ITGB8: variants seen among roughly 807,000 people sequenced by gnomAD.
ITGB8 encodes the protein integrin beta-8.
In ITGB8, 30 loss-of-function variants were observed where a neutral mutation model predicts 89.5. The observed-to-expected ratio is 0.34, with a 90% CI of 0.25 to 0.45. The LOEUF (loss-of-function observed/expected upper bound fraction) is 0.45, where lower values mean the gene tolerates loss of function less well. Among genes scored for constraint, ITGB8 ranks in the 20% least tolerant of loss-of-function variants. The pLI, the probability that ITGB8 is intolerant of heterozygous loss-of-function variation, is 1.00. For synonymous variants in ITGB8, 335 were observed against 320.4 expected (o/e 1.05, Z -0.49); for missense variants, 836 against 933.3 (o/e 0.90, Z 1.36).
intron 9 of ITGB8, 167 bp downstream of exon 9, chr7:20,399,161 T>C: frequency 1.5e-6 from 1 of 648,582 alleles, no homozygotes; most frequent in East Asian, 2.9e-5. Context: ...TCCTACTTGT[T>C]TTAGCTCAGC....
chr7:20,372,643 A>G (rs1488737027), intron 3 of ITGB8, among the ~76,000 whole-genome samples: 1 of 152,168 alleles, frequency 6.6e-6, no homozygotes, highest in East Asian at 1.9e-4. Flanking sequence ...GCAGTGGGGA[A>G]GAGATCATGG....
At chr7:20,379,340 T>G in intron 4 of ITGB8, 43 bp downstream of exon 4, 1 of 1,337,596 alleles carries the variant, frequency 7.5e-7, no homozygotes, top group Non-Finnish European at 9.9e-7. Context: ...AATTTTTTGC[T>G]TATAAAATCT....
intron 3 of ITGB8, among the ~76,000 whole-genome samples, chr7:20,377,014 G>T (rs1481603577): frequency 1.3e-5 from 2 of 152,122 alleles, no homozygotes; most frequent in Non-Finnish European, 2.9e-5. Context: ...ACCGGAATTT[G>T]CTTGCTAGGC....
chr7:20,397,795 T>C (rs1460590905), intron 8 of ITGB8, among the ~76,000 whole-genome samples: 1 of 152,224 alleles, frequency 6.6e-6, no homozygotes, highest in Non-Finnish European at 1.5e-5. Flanking sequence ...CAGAATTCCA[T>C]GATCAATTAT....
At chr7:20,384,708 G>C (rs1476063359) in intron 6 of ITGB8, among the ~76,000 whole-genome samples, 1 of 152,154 alleles carries the variant, frequency 6.6e-6, no homozygotes, top group Non-Finnish European at 1.5e-5. Flanking sequence ...CTGAAATGCA[G>C]AAGAAAAAGA....
chr7:20,380,379 A>T (rs1315933407), intron 4 of ITGB8: 1 of 290,138 alleles, frequency 3.4e-6, no homozygotes, highest in Non-Finnish European at 6.4e-6. Flanking sequence ...TTCACAGCGC[A>T]GATTAAATAT....
intron 1 of ITGB8, 132 bp downstream of exon 1, chr7:20,332,065 G>T: frequency 6.9e-7 from 1 of 1,458,404 alleles, no homozygotes; most frequent in Non-Finnish European, 9.0e-7. Context: ...GGCGGGTGCG[G>T]GGCAGCGTCC....
intron 1 of ITGB8, among the ~76,000 whole-genome samples, chr7:20,335,999 T>C (rs1784559901): frequency 9.9e-6 from 1 of 101,098 alleles, no homozygotes; most frequent in Non-Finnish European, 1.9e-5. Context: ...GTCTTGGTTT[T>C]CTTTTTTTTT....
chr7:20,350,548 C>T (rs1018732430), intron 1 of ITGB8, among the ~76,000 whole-genome samples: 8 of 152,212 alleles, frequency 5.3e-5, no homozygotes, highest in Non-Finnish European at 1.2e-4. Context: ...AAATGTTCTC[C>T]ACCAATCATG....
chr7:20,359,798 A>G (rs939974672), intron 1 of ITGB8, among the ~76,000 whole-genome samples: 3 of 152,108 alleles, frequency 2.0e-5, no homozygotes, highest in Admixed American at 6.6e-5. Context: ...TATATTTGGT[A>G]TTTTACTTAC....
chr7:20,404,020 C>T (rs1304793981), intron 10 of ITGB8, among the ~76,000 whole-genome samples: 2 of 152,066 alleles, frequency 1.3e-5, no homozygotes, highest in Admixed American at 6.6e-5. Flanking sequence ...TTTCATTTAC[C>T]ATCTAAGAAC....
At position 20,380,703 on chromosome 7, in the gene ITGB8, A is replaced by G; in HGVS notation, c.673A>G (p.Ile225Val). The stretch of plus-strand genomic sequence containing the variant: ...AGACTGCATGCCTCCCCATGGATAC[A>G]TCCATGTGCTGTCTTTGACAGAGAA... ...NLDCMPPHGY[I>V]HVLSLTENIT... The change falls in exon 5 of 14, where the codon ATC becomes GTC. Residue 225 changes from isoleucine (I) to valine (V), a missense_variant. By Grantham distance (29) the Ile-to-Val change is conservative. This residue lies in a region of ITGB8 where 192 missense variants were observed against 267.1 expected (regional missense o/e 0.72). Transcript: ENST00000222573. 6.2e-7 allele frequency: 1 copy of G among 1,613,606 alleles called. No individual in the cohort carries two copies. Among genetic ancestry groups the G allele is most frequent in the South Asian group, 1.1e-5 (1 of 91,034 alleles).
Position 20,396,364 on chromosome 7 carries a change from C to T in ITGB8, c.1146+1379C>T, listed in dbSNP as rs1282135422. Among the ~76,000 whole-genome samples the T allele has an allele frequency of 4.0e-5, 6 of 150,974 alleles. No homozygotes were observed. The South Asian group carries it at 8.4e-4, about 21-fold the overall frequency. ...AGGAGAATGGCTTGAACCCAGGAGG[C>T]GGAGCTTGCAATGAGCCGAGATTGC... On this transcript the variant is annotated intron_variant, in intron 8 of 13. Coordinates refer to ENST00000222573, the MANE Select transcript of ITGB8 (RefSeq NM_002214.3).
intron 2 of ITGB8, 42 bp downstream of exon 2, chr7:20,363,764 G>C (rs967595866): frequency 8.3e-7 from 1 of 1,201,564 alleles, no homozygotes; most frequent in Non-Finnish European, 1.2e-6. Context: ...GTTGACTTGA[G>C]CTATAGCATG....
intron 1 of ITGB8, among the ~76,000 whole-genome samples, chr7:20,343,950 C>G (rs893149552): frequency 7.9e-5 from 12 of 152,140 alleles, no homozygotes; most frequent in Non-Finnish European, 1.3e-4. Flanking sequence ...TTGAAAAAGG[C>G]CTTGCAGTTA....
At chr7:20,338,020 A>G (rs1784632669) in intron 1 of ITGB8, among the ~76,000 whole-genome samples, 1 of 152,214 alleles carries the variant, frequency 6.6e-6, no homozygotes, top group African/African-American at 2.4e-5. Context: ...CAGGTAAACA[A>G]CAGGCTACCT....
intron 9 of ITGB8, among the ~76,000 whole-genome samples, chr7:20,399,571 A>AT (rs1344638102): frequency 6.6e-6 from 1 of 151,882 alleles, no homozygotes; most frequent in Non-Finnish European, 1.5e-5. Context: ...TTTACCAAAA[A>AT]AAAAAAAATG....
intron 9 of ITGB8, among the ~76,000 whole-genome samples, chr7:20,400,161 T>C (rs1787248961): frequency 6.6e-6 from 1 of 152,212 alleles, no homozygotes. Flanking sequence ...AAATAGTTAT[T>C]TCCTTCAAAA....
intron 11 of ITGB8, 93 bp downstream of exon 11, chr7:20,404,946 A>G (rs1037819942): frequency 3.8e-6 from 4 of 1,040,456 alleles, no homozygotes; most frequent in Non-Finnish European, 6.0e-6. Flanking sequence ...TGCCAGATAC[A>G]TTGTGACCAC....
Sources: gnomAD v4.1 joint callset for allele counts (sites outside exome capture counted in the v4.1 genomes callset) on GRCh38, gnomAD v4.1.1 for gene constraint, gnomAD v4.1.1 regional missense constraint, MANE v1.5 for transcripts, NCBI Gene and HGNC (gene_info 2026-07-23, HGNC 2026-07-21) for gene names.